The following RARRES1 variants were observed in gnomAD, a reference collection of about 807,000 sequenced individuals.
The protein encoded by RARRES1 is retinoic acid receptor responder protein 1.
In RARRES1, 34 loss-of-function variants were observed where a neutral mutation model predicts 30.6. That is an observed-to-expected ratio of 1.11 (90% confidence interval 0.84 to 1.48). The LOEUF (loss-of-function observed/expected upper bound fraction) is 1.48, where lower values mean the gene tolerates loss of function less well. Among genes scored for constraint, RARRES1 ranks in the 40% most tolerant of loss-of-function variants. The pLI is 0.00. For missense variants in RARRES1, 373 were observed against 386.5 expected, an observed-to-expected ratio of 0.97 and a Z score of 0.29; for synonymous variants, 153 against 155.5, an observed-to-expected ratio of 0.98 and a Z score of 0.12.
At chr3:158,698,576 T>A (rs1726626299) in intron 4 of RARRES1, among the ~76,000 whole-genome samples, 1 of 152,186 alleles carries the variant, frequency 6.6e-6, no homozygotes, top group South Asian at 2.1e-4. Flanking sequence ...CATTGGATAT[T>A]TTTCAGTAGG....
At chr3:158,726,318 T>C (rs144448516) in intron 1 of RARRES1, among the ~76,000 whole-genome samples, 50 of 152,354 alleles carry the variant, frequency 3.3e-4, no homozygotes, top group Non-Finnish European at 6.6e-4. Context: ...GCTTTATAGA[T>C]TGAGAAATCA....
intron 1 of RARRES1, among the ~76,000 whole-genome samples, chr3:158,731,181 T>TG (rs1282963712): frequency 3.9e-5 from 6 of 152,244 alleles, no homozygotes; most frequent in Non-Finnish European, 8.8e-5. Flanking sequence ...CTGAGCTTCT[T>TG]GAAGGACTTT....
chr3:158,708,087 AT>A (rs1260617050), intron 3 of RARRES1, among the ~76,000 whole-genome samples: 3 of 151,870 alleles, frequency 2.0e-5, no homozygotes, highest in African/African-American at 7.3e-5. Context: ...TCACGAATGA[AT>A]TTTTTTTTCC....
intron 1 of RARRES1, among the ~76,000 whole-genome samples, chr3:158,717,135 C>T (rs1727349133): frequency 6.6e-6 from 1 of 152,182 alleles, no homozygotes; most frequent in Non-Finnish European, 1.5e-5. Flanking sequence ...ACTTGCTCTC[C>T]AGTGGTTTTA....
chr3:158,700,646 G>A, intron 4 of RARRES1, among the ~76,000 whole-genome samples: 1 of 152,152 alleles, frequency 6.6e-6, no homozygotes, highest in East Asian at 1.9e-4. Context: ...GCCTGGCAAA[G>A]GATGCCAAGA....
rs778276932 is a variant in RARRES1, at chr3:158,713,789, C to T, written c.339+8G>A. On this transcript the variant is annotated splice_region_variant and intron_variant, in intron 2 of 5. Coordinates refer to ENST00000237696, the MANE Select transcript of RARRES1 (RefSeq NM_206963.2). ...TAATAGGATACTTTGCCAATTGTGG[C>T]AGCTTACCTCTGGGTTGTAGCGCTC... 6.2e-7 allele frequency: 1 copy of T among 1,608,942 alleles called. No homozygotes were observed. The highest frequency in any genetic ancestry group is 8.5e-7 in the Non-Finnish European group (1 of 1,177,928).
At chr3:158,711,600 C>CTTTTTTTTTTTTTTTTTTT (rs1175463184) in intron 2 of RARRES1, among the ~76,000 whole-genome samples, 1 of 121,314 alleles carries the variant, frequency 8.2e-6, no homozygotes. Context: ...TTGCATTCAT[C>CTTTTTTTTTTTTTTTTTTT]TTTTTTTTTT....
At chr3:158,703,574 A>G (rs1256750675) in intron 4 of RARRES1, among the ~76,000 whole-genome samples, 2 of 151,864 alleles carry the variant, frequency 1.3e-5, no homozygotes, top group Non-Finnish European at 2.9e-5. Context: ...ACCTACCCCA[A>G]TCTGCCTTTT....
chr3:158,730,092 C>T (rs951113227), intron 1 of RARRES1, among the ~76,000 whole-genome samples: 6 of 151,886 alleles, frequency 4.0e-5, no homozygotes, highest in Non-Finnish European at 5.9e-5. Flanking sequence ...GAGACCCAGG[C>T]GGCCAGATCA....
chr3:158,699,731 T>C (rs1270551336), intron 4 of RARRES1, among the ~76,000 whole-genome samples: 3 of 152,158 alleles, frequency 2.0e-5, no homozygotes, highest in Non-Finnish European at 4.4e-5. Flanking sequence ...TCTCTCACAG[T>C]GTACCCACGA....
intron 3 of RARRES1, among the ~76,000 whole-genome samples, chr3:158,706,009 A>G (rs940706622): frequency 6.6e-6 from 1 of 152,200 alleles, no homozygotes; most frequent in Non-Finnish European, 1.5e-5. Context: ...TTTTGTAGGG[A>G]TACTATATTA....
At chr3:158,728,170 G>A (rs868737796) in intron 1 of RARRES1, among the ~76,000 whole-genome samples, 2 of 150,726 alleles carry the variant, frequency 1.3e-5, no homozygotes, top group African/African-American at 2.5e-5. Flanking sequence ...CCTTGCTTTC[G>A]CAATACACTC....
rs749793759 is a variant in RARRES1 at position 158,732,440 on chromosome 3, C to G, written c.-25G>C. 2 of 1,517,398 alleles carry G rather than the reference C, an allele frequency of 1.3e-6. No individual in the cohort carries two copies. The highest frequency in any genetic ancestry group is 4.0e-5 in the Admixed American group (2 of 50,108). The allele number at this position is 1,517,398 out of a possible 1,614,324, so 94.0% of individuals were successfully genotyped here. A position where few individuals can be genotyped will look rare whatever the true frequency, so the allele number is the denominator to read the frequency against. On this transcript the variant is annotated 5_prime_UTR_variant, in exon 1 of 6. Transcript: ENST00000237696. The stretch of plus-strand genomic sequence containing the variant: ...TGGACGCAGGAAAGTTGGCTCGGCA[C>G]CCGACAGACACGGGCTCGGAGCGGG...
chr3:158,724,281 C>G (rs564868938), intron 1 of RARRES1, among the ~76,000 whole-genome samples: 4 of 152,218 alleles, frequency 2.6e-5, no homozygotes, highest in Non-Finnish European at 4.4e-5. Flanking sequence ...AATGCCCCCC[C>G]ACAGCCCTTG....
At chr3:158,730,319 C>CA (rs58772915) in intron 1 of RARRES1, among the ~76,000 whole-genome samples, 1,370 of 79,358 alleles carry the variant, frequency 0.017, 31 homozygotes, top group African/African-American at 0.025. Context: ...GACTCTGTCT[C>CA]AAAAAAAAAA....
At chr3:158,722,008 T>A (rs1365411880) in intron 1 of RARRES1, among the ~76,000 whole-genome samples, 1 of 146,624 alleles carries the variant, frequency 6.8e-6, no homozygotes, top group African/African-American at 2.5e-5. Flanking sequence ...GAAGAATCAC[T>A]TGAATCCAGG....
intron 1 of RARRES1, among the ~76,000 whole-genome samples, chr3:158,731,168 A>C (rs527771126): frequency 6.6e-6 from 1 of 152,324 alleles, no homozygotes; most frequent in African/African-American, 2.4e-5. Flanking sequence ...TGAAGAACCG[A>C]GGCTGAGCTT....
intron 3 of RARRES1, 45 bp from the exon 4 acceptor site, chr3:158,704,972 G>A (rs371888979): frequency 2.5e-5 from 40 of 1,578,576 alleles, no homozygotes; most frequent in Non-Finnish European, 3.3e-5. Flanking sequence ...GCATTTTTGA[G>A]ACAAAATCTC....
At chr3:158,727,095 C>T (rs1341640514) in intron 1 of RARRES1, among the ~76,000 whole-genome samples, 1 of 152,208 alleles carries the variant, frequency 6.6e-6, no homozygotes, top group African/African-American at 2.4e-5. Flanking sequence ...GCCAGCACCA[C>T]ACTTCCTGGG....
Sources: allele counts gnomAD v4.1 joint callset (sites outside exome capture counted in the v4.1 genomes callset), GRCh38; gene constraint gnomAD v4.1.1; transcripts MANE v1.5; gene names NCBI Gene and HGNC (gene_info 2026-07-23, HGNC 2026-07-21).